SNX24: variants seen among roughly 807,000 people sequenced by gnomAD.
The protein encoded by SNX24 is sorting nexin 24.
In SNX24, 22 loss-of-function variants were observed where a neutral mutation model predicts 28.7. That is an observed-to-expected ratio of 0.77 (90% CI 0.55 to 1.10). SNX24 has a LOEUF of 1.10. SNX24 is among the 50% of genes least tolerant of loss of function. The pLI is 0.00. For synonymous variants in SNX24, 69 were observed against 71.5 expected (o/e 0.96, Z 0.18); for missense variants, 221 against 201.1 (o/e 1.10, Z -0.60).
At chr5:122,858,542 G>A (rs1488545628) in intron 1 of SNX24, among the ~76,000 whole-genome samples, 1 of 152,164 alleles carries the variant, frequency 6.6e-6, no homozygotes, top group African/African-American at 2.4e-5. Flanking sequence ...TCTAGCAGTG[G>A]TTACTGGACC....
chr5:122,964,240 T>TC (rs1760616306), intron 3 of SNX24, among the ~76,000 whole-genome samples: 2 of 67,522 alleles, frequency 3.0e-5, no homozygotes, highest in Admixed American at 4.6e-4. Context: ...AGAACAAGAC[T>TC]CCATCTCAAA....
In SNX24 at chr5:122,848,120, A is replaced by G. The variant is rs570648457; in HGVS notation, c.60+2427A>G. Among the ~76,000 whole-genome samples the G allele has an allele frequency of 2.2e-3, 333 of 152,010 alleles. 2 individuals carry two copies. Among genetic ancestry groups the G allele is most frequent in the African/African-American group, 7.7e-3 (318 of 41,458 alleles). On this transcript the variant is annotated intron_variant, in intron 1 of 6. Coordinates refer to ENST00000261369, the MANE Select transcript of SNX24 (RefSeq NM_014035.4). ...ATGTTTGTGTGAATGTGTGTTTTTA[A>G]GAGCTAGGATCTTGCTCTGTCACCC...
intron 1 of SNX24, among the ~76,000 whole-genome samples, chr5:122,850,790 TA>T (rs151007728): frequency 0.013 from 1,801 of 137,238 alleles, 21 homozygotes; most frequent in African/African-American, 0.025. Context: ...GCATAAAAGT[TA>T]AAAAAAAAAA....
At chr5:122,927,305 G>C (rs34454612) in intron 1 of SNX24, among the ~76,000 whole-genome samples, 4,629 of 152,242 alleles carry the variant, frequency 0.03, 80 homozygotes, top group Non-Finnish European at 0.037. Context: ...ACTCCTAACC[G>C]CTGCGTTATA....
intron 1 of SNX24, among the ~76,000 whole-genome samples, chr5:122,858,655 C>T (rs1755316927): frequency 6.6e-6 from 1 of 152,210 alleles, no homozygotes; most frequent in Non-Finnish European, 1.5e-5. Flanking sequence ...TGTATATCCT[C>T]CCTCACAAGC....
rs975871095 is a variant in SNX24 at position 122,850,654 on chromosome 5, C to T, written c.60+4961C>T. 6.6e-5 allele frequency among the ~76,000 whole-genome samples: 10 copies of T among 152,010 alleles called. No individual in the cohort carries two copies. The South Asian group carries it at 1.0e-3, about 16-fold the overall frequency. On this transcript the variant is annotated intron_variant, in intron 1 of 6. Coordinates refer to ENST00000261369, the MANE Select transcript of SNX24 (RefSeq NM_014035.4). Reference sequence around the variant, plus strand: ...GCAGGTACCAGTAAGCAAATAAGAACTGAAGCAGGGCAGATATTTCATTTG... The same window carrying T: ...GCAGGTACCAGTAAGCAAATAAGAATTGAAGCAGGGCAGATATTTCATTTG...
chr5:122,976,239 A>G (rs1391185225), intron 3 of SNX24, among the ~76,000 whole-genome samples: 1 of 151,294 alleles, frequency 6.6e-6, no homozygotes, highest in Non-Finnish European at 1.5e-5. Flanking sequence ...AACATTCACA[A>G]TTTGGAGGTC....
chr5:122,931,928 G>A (rs1758976292), intron 1 of SNX24, among the ~76,000 whole-genome samples: 1 of 151,620 alleles, frequency 6.6e-6, no homozygotes, highest in African/African-American at 2.4e-5. Flanking sequence ...TATAAGTTAA[G>A]TCCTTCCTTA....
Position 123,008,285 on chromosome 5 carries a change from T to C in SNX24, c.*536T>C. On this transcript the variant is annotated 3_prime_UTR_variant, in exon 7 of 7. Coordinates refer to ENST00000261369, the MANE Select transcript of SNX24 (RefSeq NM_014035.4). ...AGATGGAACTAAACTGGAAATTAAA[T>C]TATACTGACAATATTATGGCATTTT... 2 of 984,458 alleles carry C rather than the reference T, an allele frequency of 2.0e-6. No individual in the cohort carries two copies. Among genetic ancestry groups the C allele is most frequent in the Non-Finnish European group, 2.4e-6 (2 of 829,044 alleles). 61.0% of individuals were successfully genotyped at this position (984,458 alleles called of 1,614,324 possible).
intron 2 of SNX24, among the ~76,000 whole-genome samples, chr5:122,942,409 G>A (rs1348946820): frequency 6.6e-6 from 1 of 152,240 alleles, no homozygotes; most frequent in Admixed American, 6.5e-5. Flanking sequence ...TGAGGAAGTA[G>A]CGGTGGCAAT....
intron 3 of SNX24, among the ~76,000 whole-genome samples, chr5:122,985,363 A>G (rs1761556246): frequency 1.3e-5 from 2 of 152,174 alleles, no homozygotes; most frequent in Non-Finnish European, 2.9e-5. Context: ...GGAGAGTTCA[A>G]GACCTGGATT....
At chr5:122,899,326 T>C (rs144183363) in intron 1 of SNX24, among the ~76,000 whole-genome samples, 37 of 152,312 alleles carry the variant, frequency 2.4e-4, no homozygotes, top group African/African-American at 8.9e-4. Context: ...TCAGCTATTA[T>C]GGAGTCCATA....
chr5:122,973,277 C>G (rs1581817668), intron 3 of SNX24, among the ~76,000 whole-genome samples: 1 of 152,240 alleles, frequency 6.6e-6, no homozygotes. Flanking sequence ...AGTATATAAT[C>G]ACACATCAGA....
chr5:122,969,526 C>T (rs1180854098), intron 3 of SNX24, among the ~76,000 whole-genome samples: 2 of 152,104 alleles, frequency 1.3e-5, no homozygotes, highest in Non-Finnish European at 2.9e-5. Context: ...TGCTATTTCC[C>T]GACCCTTGCA....
chr5:122,970,972 A>G (rs1353222855), intron 3 of SNX24, among the ~76,000 whole-genome samples: 5 of 152,202 alleles, frequency 3.3e-5, no homozygotes, highest in African/African-American at 1.2e-4. Flanking sequence ...GTATGTATGA[A>G]GAGCAGTTTA....
At chr5:122,885,650 C>T (rs1360390497) in intron 1 of SNX24, among the ~76,000 whole-genome samples, 1 of 152,166 alleles carries the variant, frequency 6.6e-6, no homozygotes, top group Non-Finnish European at 1.5e-5. Flanking sequence ...AGCAGCTCCT[C>T]CTTTCCTTTG....
At chr5:122,968,145 G>A (rs1434402844) in intron 3 of SNX24, among the ~76,000 whole-genome samples, 1 of 152,162 alleles carries the variant, frequency 6.6e-6, no homozygotes, top group African/African-American at 2.4e-5. Context: ...CCTGAGGTCA[G>A]GAGTTCAAAA....
chr5:122,931,797 A>C (rs750671297), intron 1 of SNX24, among the ~76,000 whole-genome samples: 1 of 151,390 alleles, frequency 6.6e-6, no homozygotes, highest in South Asian at 2.1e-4. Context: ...TATTTATTAG[A>C]TACTTTTAAT....
chr5:122,960,764 C>G (rs1280990404), intron 3 of SNX24, among the ~76,000 whole-genome samples: 4 of 152,196 alleles, frequency 2.6e-5, no homozygotes, highest in East Asian at 1.9e-4. Context: ...GGGGTTCCCT[C>G]TTGCTCATCT....
Sources: allele counts gnomAD v4.1 joint callset (sites outside exome capture counted in the v4.1 genomes callset), GRCh38; gene constraint gnomAD v4.1.1; transcripts MANE v1.5; gene names NCBI Gene and HGNC (gene_info 2026-07-23, HGNC 2026-07-21).